The following TSNARE1 variants were observed in gnomAD, a reference collection of about 807,000 sequenced individuals.
TSNARE1 encodes t-SNARE domain containing 1, also known as t-SNARE domain-containing protein 1.
Under a neutral mutation model 62.0 loss-of-function variants are expected in TSNARE1, and 49 were observed. That is an observed-to-expected ratio of 0.79 (90% confidence interval 0.63 to 1.00). The LOEUF is 1.00. TSNARE1 is among the 50% of genes least tolerant of loss of function. TSNARE1 has a pLI of 0.00. For missense variants in TSNARE1, 755 were observed against 700.1 expected (o/e 1.08, Z -0.88); for synonymous variants, 328 against 294.4 (o/e 1.11, Z -1.17).
intron 9 of TSNARE1, among the ~76,000 whole-genome samples, chr8:142,313,074 CTG>C (rs1433770658): frequency 1.3e-5 from 2 of 151,826 alleles, no homozygotes; most frequent in African/African-American, 2.4e-5. Context: ...GTCTGTGTGT[CTG>C]TGTTTATCTG....
chr8:142,365,962 T>A, intron 1 of TSNARE1: 1 of 445,192 alleles, frequency 2.2e-6, no homozygotes, highest in Non-Finnish European at 4.5e-6. Context: ...CAGCTGATGG[T>A]TTTGTAGAGG....
chr8:142,269,910 G>A, intron 12 of TSNARE1: 2 of 985,450 alleles, frequency 2.0e-6, no homozygotes, highest in Non-Finnish European at 2.4e-6. Flanking sequence ...GCTGGCTCCA[G>A]GGGAAAACGC....
chr8:142,327,754 G>A (rs998228342), intron 6 of TSNARE1, among the ~76,000 whole-genome samples: 7 of 152,166 alleles, frequency 4.6e-5, no homozygotes, highest in Non-Finnish European at 7.4e-5. Flanking sequence ...GAGGGCCCAC[G>A]GTGCTCAACA....
intron 3 of TSNARE1, 133 bp from the exon 4 acceptor site, chr8:142,344,605 C>CAGCAGGGAGGGGTGGTGG: frequency 1.0e-6 from 1 of 970,884 alleles, no homozygotes; most frequent in Non-Finnish European, 1.4e-6. Flanking sequence ...GGCCACCACC[C>CAGCAGGGAGGGGTGGTGG]CTCCCTGCTG....
chr8:142,273,178 T>TTC, intron 12 of TSNARE1: 1 of 984,640 alleles, frequency 1.0e-6, no homozygotes, highest in South Asian at 4.7e-5. Context: ...CTGCCCTCCT[T>TTC]TCCTCCTCCT....
rs555124516 is a variant in TSNARE1 at position 142,253,173 on chromosome 8, G to A, written c.1446+21608C>T. On this transcript the variant is annotated intron_variant, in intron 12 of 13. Transcript: ENST00000524325. ...AGAGTGCGGAGGTGGACAGGCTGGC[G>A]ACAGCCCAGGCTGGCACTACGGGTA... Among the ~76,000 whole-genome samples, 526 of 152,338 alleles carry A rather than the reference G, an allele frequency of 3.5e-3. 4 individuals are homozygous for A. The highest frequency in any genetic ancestry group is 0.012 in the African/African-American group (500 of 41,578).
At chr8:142,372,176 G>A (rs1587057345) in intron 1 of TSNARE1, among the ~76,000 whole-genome samples, 1 of 152,170 alleles carries the variant, frequency 6.6e-6, no homozygotes, top group East Asian at 1.9e-4. Context: ...GATCTCAGGG[G>A]AGAGGCTAGG....
intron 12 of TSNARE1, among the ~76,000 whole-genome samples, chr8:142,246,190 C>A (rs995295685): frequency 6.6e-6 from 1 of 152,116 alleles, no homozygotes. Flanking sequence ...CAGTGGCCAG[C>A]CCTGGGAGGG....
chr8:142,307,540 TATA>T (rs1826892468), intron 9 of TSNARE1, among the ~76,000 whole-genome samples: 1 of 152,252 alleles, frequency 6.6e-6, no homozygotes, highest in African/African-American at 2.4e-5. Flanking sequence ...CTAGGTTGCC[TATA>T]ATATTTAATA....
At chr8:142,279,296 C>T (rs961283937) in intron 11 of TSNARE1, among the ~76,000 whole-genome samples, 1 of 152,224 alleles carries the variant, frequency 6.6e-6, no homozygotes. Flanking sequence ...GGCCGGGACC[C>T]GGGGCCAAAC....
chr8:142,233,242 C>T (rs879354881), intron 12 of TSNARE1, among the ~76,000 whole-genome samples: 5 of 152,238 alleles, frequency 3.3e-5, no homozygotes, highest in Admixed American at 1.3e-4. Context: ...CAGGACAGGC[C>T]CGTGAGGCAC....
chr8:142,310,544 T>C (rs1827409217), intron 9 of TSNARE1, among the ~76,000 whole-genome samples: 1 of 151,386 alleles, frequency 6.6e-6, no homozygotes, highest in African/African-American at 2.5e-5. Flanking sequence ...CTCTCATTTT[T>C]GTGCCTCTAA....
intron 13 of TSNARE1, among the ~76,000 whole-genome samples, chr8:142,217,379 G>GAGAAAGAAAGAAGA (rs1563750495): frequency 7.2e-6 from 1 of 138,896 alleles, no homozygotes; most frequent in African/African-American, 2.9e-5. Flanking sequence ...AAGAAAAAAG[G>GAGAAAGAAAGAAGA]GAAAGAAAGA....
intron 1 of TSNARE1, among the ~76,000 whole-genome samples, chr8:142,357,722 C>T (rs1264610111): frequency 6.6e-6 from 1 of 152,206 alleles, no homozygotes; most frequent in East Asian, 1.9e-4. Context: ...CAGGCAGATA[C>T]CCAAAGCCCT....
intron 9 of TSNARE1, 119 bp downstream of exon 9, chr8:142,314,265 C>A: frequency 2.3e-6 from 2 of 862,052 alleles, no homozygotes; most frequent in East Asian, 2.6e-5. Context: ...TGCCTCAGGG[C>A]GCCCCTCAGA....
intron 1 of TSNARE1, among the ~76,000 whole-genome samples, chr8:142,383,665 C>G (rs1044502411): frequency 6.6e-6 from 1 of 152,218 alleles, no homozygotes; most frequent in Non-Finnish European, 1.5e-5. Context: ...TAAGTGCCTA[C>G]TGTGTGCAGC....
chr8:142,286,285 C>A (rs937534663), intron 10 of TSNARE1, among the ~76,000 whole-genome samples: 1 of 152,232 alleles, frequency 6.6e-6, no homozygotes, highest in Non-Finnish European at 1.5e-5. Context: ...GTCCAGTCAG[C>A]AGCTCATTCC....
At chr8:142,397,649 C>A (rs1278607279) in intron 1 of TSNARE1, among the ~76,000 whole-genome samples, 1 of 152,208 alleles carries the variant, frequency 6.6e-6, no homozygotes, top group Non-Finnish European at 1.5e-5. Flanking sequence ...CAGCACTGGG[C>A]CAGAGGCTCC....
At chr8:142,214,265 C>T (rs556104018) in intron 13 of TSNARE1, among the ~76,000 whole-genome samples, 1 of 152,324 alleles carries the variant, frequency 6.6e-6, no homozygotes, top group East Asian at 1.9e-4. Flanking sequence ...CCACCCACAG[C>T]TCCAGCCTGG....
Sources: allele counts gnomAD v4.1 joint callset (sites outside exome capture counted in the v4.1 genomes callset), GRCh38; gene constraint gnomAD v4.1.1; transcripts MANE v1.5; gene names NCBI Gene and HGNC (gene_info 2026-07-23, HGNC 2026-07-21).